CPD: variants seen among roughly 807,000 people sequenced by gnomAD.
CPD encodes the protein metallocarboxypeptidase D.
Under a neutral mutation model 138.3 loss-of-function variants are expected in CPD, and 69 were observed. The observed-to-expected ratio is 0.50, with a 90% CI of 0.41 to 0.61. The LOEUF (loss-of-function observed/expected upper bound fraction) is 0.61. Among genes scored for constraint, CPD ranks in the 20% least tolerant of loss-of-function variants. The pLI is 0.00. For missense variants in CPD, 1,432 were observed against 1,733.3 expected (o/e 0.83, Z 3.09); for synonymous variants, 651 against 642.1 (o/e 1.01, Z -0.21).
At chr17:30,401,955 A>C (rs1475713019) in intron 2 of CPD, among the ~76,000 whole-genome samples, 1 of 143,242 alleles carries the variant, frequency 7.0e-6, no homozygotes, top group Non-Finnish European at 1.5e-5. Context: ...TTTTTTTTTT[A>C]AATAGCATGG....
intron 12 of CPD, among the ~76,000 whole-genome samples, 181 bp from the exon 13 acceptor site, chr17:30,449,372 T>A (rs1371875394): frequency 6.6e-6 from 1 of 152,220 alleles, no homozygotes; most frequent in Non-Finnish European, 1.5e-5. Flanking sequence ...ATCTATTTGA[T>A]AAATGTTCTT....
chr17:30,454,991 G>T, intron 14 of CPD: 1 of 163,540 alleles, frequency 6.1e-6, no homozygotes, highest in Non-Finnish European at 1.3e-5. Context: ...GTTGAGATTT[G>T]GGTGGGGGTA....
At chr17:30,399,686 A>G (rs1911602950) in intron 2 of CPD, among the ~76,000 whole-genome samples, 1 of 152,116 alleles carries the variant, frequency 6.6e-6, no homozygotes, top group Admixed American at 6.5e-5. Context: ...TACCTATACC[A>G]TTATATTTAA....
intron 11 of CPD, among the ~76,000 whole-genome samples, chr17:30,445,370 C>G (rs1054173787): frequency 2.0e-5 from 3 of 151,960 alleles, no homozygotes; most frequent in African/African-American, 7.3e-5. Flanking sequence ...GAGGCTGAGG[C>G]AGGAGAATCA....
chr17:30,406,624 T>C (rs937142714), intron 2 of CPD, among the ~76,000 whole-genome samples: 3 of 152,146 alleles, frequency 2.0e-5, no homozygotes, highest in Non-Finnish European at 4.4e-5. Flanking sequence ...AATAGGACAA[T>C]TAAGGGATAG....
At chr17:30,411,958 T>G (rs1054150271) in intron 2 of CPD, among the ~76,000 whole-genome samples, 1 of 152,232 alleles carries the variant, frequency 6.6e-6, no homozygotes, top group Non-Finnish European at 1.5e-5. Flanking sequence ...TTTGGAATTT[T>G]CAGCTTTTCA....
intron 12 of CPD, among the ~76,000 whole-genome samples, chr17:30,448,132 A>G (rs1434315503): frequency 6.6e-6 from 1 of 152,138 alleles, no homozygotes. Context: ...TGATTCTTGG[A>G]TATTTCTGGC....
chr17:30,381,212 T>C lies in CPD; in HGVS notation c.746+1486T>C, dbSNP rs370622972. 2.2e-3 allele frequency among the ~76,000 whole-genome samples: 328 copies of C among 152,316 alleles called. 4 individuals carry two copies. Among genetic ancestry groups the C allele is most frequent in the African/African-American group, 7.4e-3 (307 of 41,556 alleles). On this transcript the variant is annotated intron_variant, in intron 1 of 20. Transcript: ENST00000225719. ...AACATCTGCGTAAGAAATATGACTT[T>C]GACATACACTTATTGACAGAGCTGT...
chr17:30,396,341 G>A (rs1911506638), intron 2 of CPD, among the ~76,000 whole-genome samples: 1 of 151,766 alleles, frequency 6.6e-6, no homozygotes, highest in African/African-American at 2.4e-5. Context: ...GTGTAATGCA[G>A]TTTGACACTT....
intron 2 of CPD, among the ~76,000 whole-genome samples, chr17:30,391,077 G>C (rs2143320704): frequency 6.7e-6 from 1 of 149,858 alleles, no homozygotes; most frequent in Non-Finnish European, 1.5e-5. Context: ...TGATCCACCT[G>C]CCTCGCCCTC....
chr17:30,403,373 G>A (rs766983161), intron 2 of CPD, among the ~76,000 whole-genome samples: 1 of 152,166 alleles, frequency 6.6e-6, no homozygotes, highest in Non-Finnish European at 1.5e-5. Flanking sequence ...ACCTGTACAT[G>A]TGCAGTTTAG....
intron 8 of CPD, among the ~76,000 whole-genome samples, chr17:30,437,528 T>C (rs566935618): frequency 6.6e-6 from 1 of 151,902 alleles, no homozygotes; most frequent in Non-Finnish European, 1.5e-5. Flanking sequence ...CTACAAAAAA[T>C]ACAAAAATTA....
chr17:30,402,888 C>G (rs1331284184), intron 2 of CPD, among the ~76,000 whole-genome samples: 8 of 152,030 alleles, frequency 5.3e-5, no homozygotes, highest in African/African-American at 1.9e-4. Flanking sequence ...GGGCAGATCA[C>G]CTGAGGTCAA....
chr17:30,416,756 A>G (rs544298237), intron 2 of CPD, among the ~76,000 whole-genome samples: 1 of 152,250 alleles, frequency 6.6e-6, no homozygotes, highest in Admixed American at 6.5e-5. Flanking sequence ...GGCTTTTTAT[A>G]ACTACCTAGT....
At chr17:30,390,281 T>G (rs954094117) in intron 2 of CPD, among the ~76,000 whole-genome samples, 1 of 152,246 alleles carries the variant, frequency 6.6e-6, no homozygotes, top group Non-Finnish European at 1.5e-5. Context: ...CCTCCCAAAG[T>G]GCTGGGATTA....
At chr17:30,452,920 T>A (rs1913202840) in intron 14 of CPD, among the ~76,000 whole-genome samples, 1 of 151,826 alleles carries the variant, frequency 6.6e-6, no homozygotes, top group Non-Finnish European at 1.5e-5. Context: ...CAAAAGCAGA[T>A]CTGATAAACC....
chr17:30,395,538 ACTGAC>A, intron 2 of CPD, among the ~76,000 whole-genome samples: 1 of 152,264 alleles, frequency 6.6e-6, no homozygotes, highest in South Asian at 2.1e-4. Context: ...TAGTATAAAG[ACTGAC>A]CTTTAGGAGC....
intron 2 of CPD, among the ~76,000 whole-genome samples, chr17:30,417,239 A>T (rs1912134564): frequency 6.6e-6 from 1 of 152,172 alleles, no homozygotes; most frequent in Non-Finnish European, 1.5e-5. Flanking sequence ...TTAAATTTTA[A>T]AAGAATGTTA....
intron 2 of CPD, among the ~76,000 whole-genome samples, chr17:30,390,470 A>AAG (rs1217648548): frequency 6.6e-6 from 1 of 152,230 alleles, no homozygotes; most frequent in Non-Finnish European, 1.5e-5. Context: ...TGTGCAATAT[A>AAG]ATGTATTAAT....
Sources: gnomAD v4.1 joint callset for allele counts (sites outside exome capture counted in the v4.1 genomes callset) on GRCh38, gnomAD v4.1.1 for gene constraint, MANE v1.5 for transcripts, NCBI Gene and HGNC (gene_info 2026-07-23, HGNC 2026-07-21) for gene names.